The following L3HYPDH variants were observed in gnomAD, a reference collection of about 807,000 sequenced individuals.
L3HYPDH encodes the protein trans-L-3-hydroxyproline dehydratase.
In L3HYPDH, 32 loss-of-function variants were observed where a neutral mutation model predicts 26.5. The ratio of observed to expected loss-of-function variants is 1.21; its 90% CI spans 0.91 to 1.62. The LOEUF (loss-of-function observed/expected upper bound fraction) is 1.62. Among genes scored for constraint, L3HYPDH ranks in the 40% most tolerant of loss-of-function variants. L3HYPDH has a pLI of 0.00. For synonymous variants in L3HYPDH, 215 were observed against 196.6 expected (o/e 1.09, Z -0.78); for missense variants, 554 against 476.4 (o/e 1.16, Z -1.52).
At chr14:59,484,579 T>G, upstream of L3HYPDH, 7 of 1,575,694 alleles carry the variant, frequency 4.4e-6, no homozygotes, top group Non-Finnish European at 5.2e-6. Context: ...AAAAAAACCT[T>G]CAGGCGGCCC....
chr14:59,480,190 C>T (rs951348306), intron 1 of L3HYPDH, among the ~76,000 whole-genome samples: 2 of 152,202 alleles, frequency 1.3e-5, no homozygotes, highest in Non-Finnish European at 1.5e-5. Flanking sequence ...AGGGGAAAGA[C>T]ATCTGTTGGC....
At chr14:59,469,872 G>A (rs1889270840), downstream of L3HYPDH, among the ~76,000 whole-genome samples, 1 of 152,182 alleles carries the variant, frequency 6.6e-6, no homozygotes, top group South Asian at 2.1e-4. Context: ...CTCTCTACAA[G>A]AGGGAAAACC....
chr14:59,493,443 C>G, the L3HYPDH span, among the ~76,000 whole-genome samples: 7 of 152,106 alleles, frequency 4.6e-5, no homozygotes, highest in Non-Finnish European at 1.0e-4. Flanking sequence ...CCCAGTTGAG[C>G]CCAGTCACAT....
In L3HYPDH at chr14:59,472,998, G is replaced by T. The variant is rs755471449; in HGVS notation, c.1032C>A (p.Asp344Glu). Residue 344 changes from aspartate to glutamate, a missense_variant, in exon 5 of 5, where the codon GAC becomes GAA. Coordinates refer to ENST00000247194, the MANE Select transcript of L3HYPDH (RefSeq NM_144581.2). The part of the protein sequence containing the change: ...TGTASFIIED[D>E]DPLRDGFLLK The stretch of plus-strand genomic sequence containing the variant: ...GAAGAAATCCATCCCTCAATGGGTC[G>T]TCATCTTCTATTATAAAGCTTGCTG... 3.7e-6 allele frequency: 6 copies of T among 1,606,614 alleles called. No homozygotes were observed. In the African/African-American group the frequency reaches 5.4e-5, roughly 14 times the overall value.
the L3HYPDH span, chr14:59,495,301 G>A: frequency 1.7e-6 from 2 of 1,167,130 alleles, no homozygotes; most frequent in Non-Finnish European, 2.5e-6. Context: ...ATGGCGTTTG[G>A]AGACAAAAAC....
At chr14:59,470,817 C>T (rs1415011404), downstream of L3HYPDH, among the ~76,000 whole-genome samples, 1 of 151,984 alleles carries the variant, frequency 6.6e-6, no homozygotes, top group African/African-American at 2.4e-5. Flanking sequence ...AATCTAGAAG[C>T]TTAAATACCA....
chr14:59,498,541 C>CCATT, the L3HYPDH span, among the ~76,000 whole-genome samples: 2 of 152,136 alleles, frequency 1.3e-5, no homozygotes, highest in Non-Finnish European at 2.9e-5. Flanking sequence ...AAGAAAGCAA[C>CCATT]CATTGTACCC....
chr14:59,498,359 ATATT>A, the L3HYPDH span, among the ~76,000 whole-genome samples: 1 of 152,190 alleles, frequency 6.6e-6, no homozygotes, highest in African/African-American at 2.4e-5. Flanking sequence ...TTACATTTGA[ATATT>A]TATTTTCTTC....
intron 2 of L3HYPDH, 41 bp from the exon 3 acceptor site, chr14:59,476,255 T>C (rs777093638): frequency 4.2e-6 from 6 of 1,413,960 alleles, no homozygotes; most frequent in Non-Finnish European, 5.8e-6. Flanking sequence ...AATAAATATT[T>C]TGATTCAAAT....
chr14:59,468,248 C>T (rs1431949871), downstream of L3HYPDH, among the ~76,000 whole-genome samples: 1 of 152,120 alleles, frequency 6.6e-6, no homozygotes, highest in African/African-American at 2.4e-5. Context: ...ATTGGCTTTC[C>T]CCATTTATTT....
chr14:59,476,049 CA>C, intron 3 of L3HYPDH, 42 bp downstream of exon 3: 2 of 1,613,662 alleles, frequency 1.2e-6, no homozygotes, highest in Non-Finnish European at 1.7e-6. Flanking sequence ...TAGTGTGTTC[CA>C]TATTACCTGG....
In L3HYPDH at chr14:59,475,863, A is replaced by C. The variant is rs750027051; in HGVS notation, c.939+6T>G. 6.2e-7 allele frequency: 1 copy of C among 1,610,092 alleles called. No homozygotes were observed. Among genetic ancestry groups the C allele is most frequent in the Non-Finnish European group, 8.5e-7 (1 of 1,178,854 alleles). Reference sequence around the variant, plus strand: ...TTATAAATAAGAAGCTAAGGGTGCCACTTACCCTCACAGCTTTCCCTGTGA... The same window carrying C: ...TTATAAATAAGAAGCTAAGGGTGCCCCTTACCCTCACAGCTTTCCCTGTGA... On this transcript the variant is annotated splice_donor_region_variant and intron_variant, in intron 4 of 4. Transcript: ENST00000247194.
intron 4 of L3HYPDH, chr14:59,474,471 G>A (rs1317319074): frequency 8.6e-6 from 6 of 695,906 alleles, no homozygotes; most frequent in South Asian, 1.5e-5. Context: ...TTGGTCTCTC[G>A]GCTCCCTCTC....
At chr14:59,468,029 C>T (rs1025938344), downstream of L3HYPDH, among the ~76,000 whole-genome samples, 1 of 151,978 alleles carries the variant, frequency 6.6e-6, no homozygotes. Flanking sequence ...ACATCCAGTT[C>T]CTACATTGTA....
chr14:59,470,405 C>T (rs575333060), downstream of L3HYPDH, among the ~76,000 whole-genome samples: 2 of 152,286 alleles, frequency 1.3e-5, no homozygotes, highest in South Asian at 4.1e-4. Context: ...AGTATGCTAT[C>T]TGTGTCTTTC....
chr14:59,473,788 C>T (rs1408557152), intron 4 of L3HYPDH, among the ~76,000 whole-genome samples: 1 of 152,020 alleles, frequency 6.6e-6, no homozygotes, highest in Non-Finnish European at 1.5e-5. Context: ...CCAGCAGCAT[C>T]AAACTGTAGA....
intron 4 of L3HYPDH, among the ~76,000 whole-genome samples, chr14:59,473,726 T>A (rs1252367757): frequency 2.0e-5 from 3 of 151,632 alleles, no homozygotes; most frequent in Non-Finnish European, 4.4e-5. Context: ...CATTTGGGAG[T>A]CATCATCAGT....
the L3HYPDH span, among the ~76,000 whole-genome samples, chr14:59,491,056 C>T: frequency 4.6e-5 from 7 of 152,220 alleles, no homozygotes; most frequent in Non-Finnish European, 7.3e-5. Flanking sequence ...ACAAGGACCA[C>T]AAGGGCCATC....
chr14:59,476,230 A>G lies in L3HYPDH; in HGVS notation c.679-16T>C. The G allele has an allele frequency of 2.0e-6, 3 of 1,486,026 alleles. No individual in the cohort carries two copies. The highest frequency in any genetic ancestry group is 2.7e-6 in the Non-Finnish European group (3 of 1,112,402). The allele number at this position is 1,486,026 out of a possible 1,614,324, so 92.1% of individuals were successfully genotyped here. A position where few individuals can be genotyped will look rare whatever the true frequency, so the allele number is the denominator to read the frequency against. On this transcript the variant is annotated splice_polypyrimidine_tract_variant and intron_variant, in intron 2 of 4. Transcript: ENST00000247194. Reference sequence around the variant, plus strand: ...TAATTTTAAACTGCAAGTAACAAAAAAAGATCACATGCAAAATAAATATTT... The same window carrying G: ...TAATTTTAAACTGCAAGTAACAAAAGAAGATCACATGCAAAATAAATATTT...
Sources: gnomAD v4.1 joint callset for allele counts (sites outside exome capture counted in the v4.1 genomes callset) on GRCh38, gnomAD v4.1.1 for gene constraint, MANE v1.5 for transcripts, NCBI Gene and HGNC (gene_info 2026-07-23, HGNC 2026-07-21) for gene names.